NDC1: variants seen among roughly 807,000 people sequenced by gnomAD.
NDC1 encodes the protein nucleoporin NDC1.
NDC1 carries 24 observed loss-of-function variants against 89.8 expected under a neutral mutation model. That is an observed-to-expected ratio of 0.27 (90% confidence interval 0.19 to 0.38). NDC1 has a LOEUF of 0.38. Ranked by LOEUF, NDC1 falls within the 10% of genes least tolerant of loss-of-function variation. The pLI, the probability that NDC1 is intolerant of heterozygous loss-of-function variation, is 1.00. For missense variants in NDC1, 728 were observed against 797.6 expected (o/e 0.91, Z 1.05); for synonymous variants, 296 against 284.8 (o/e 1.04, Z -0.39).
intron 14 of NDC1, among the ~76,000 whole-genome samples, chr1:53,791,592 T>C (rs1224440413): frequency 6.6e-6 from 1 of 152,228 alleles, no homozygotes; most frequent in Non-Finnish European, 1.5e-5. Context: ...ATGTACCCAA[T>C]GAAGCCTACT....
At chr1:53,800,332 CTTTT>C (rs1158363485) in intron 11 of NDC1, among the ~76,000 whole-genome samples, 6 of 80,646 alleles carry the variant, frequency 7.4e-5, no homozygotes, top group African/African-American at 2.9e-4. Flanking sequence ...CTACAGTCAT[CTTTT>C]TTTTTTTTTT....
At chr1:53,812,293 G>A (rs1310095349) in intron 6 of NDC1, among the ~76,000 whole-genome samples, 1 of 152,190 alleles carries the variant, frequency 6.6e-6, no homozygotes, top group Non-Finnish European at 1.5e-5. Flanking sequence ...GAATTCAGGA[G>A]GTTAGTTATT....
At chr1:53,777,031 A>T (rs1183634451) in intron 16 of NDC1, among the ~76,000 whole-genome samples, 2 of 147,320 alleles carry the variant, frequency 1.4e-5, no homozygotes, top group Non-Finnish European at 3.0e-5. Flanking sequence ...ATTTTGTTGA[A>T]TTTTTTTTTT....
At chr1:53,801,800 A>AG (rs1647928654) in intron 10 of NDC1, among the ~76,000 whole-genome samples, 1 of 152,216 alleles carries the variant, frequency 6.6e-6, no homozygotes, top group African/African-American at 2.4e-5. Context: ...TATGTTGCCC[A>AG]GGCTGGAGTG....
chr1:53,820,951 C>T (rs188581889), intron 5 of NDC1, among the ~76,000 whole-genome samples: 158 of 151,626 alleles, frequency 1.0e-3, no homozygotes, highest in African/African-American at 3.7e-3. Flanking sequence ...GGCAATCTGC[C>T]CACCTTGACC....
intron 1 of NDC1, among the ~76,000 whole-genome samples, chr1:53,837,547 G>A (rs1401228119): frequency 3.9e-5 from 6 of 152,082 alleles, no homozygotes; most frequent in African/African-American, 1.4e-4. Context: ...TGCAGCCTGG[G>A]CAACAGGGAG....
At chr1:53,790,758 A>C (rs1647469475) in intron 14 of NDC1, among the ~76,000 whole-genome samples, 1 of 152,148 alleles carries the variant, frequency 6.6e-6, no homozygotes, top group African/African-American at 2.4e-5. Flanking sequence ...CCTACTTGTT[A>C]TCTCTTTTAA....
intron 13 of NDC1, among the ~76,000 whole-genome samples, 194 bp downstream of exon 13, chr1:53,796,495 T>A (rs1027989641): frequency 1.3e-5 from 2 of 151,154 alleles, no homozygotes; most frequent in Admixed American, 1.3e-4. Flanking sequence ...CATGAAGTTA[T>A]CAGGTCAAGT....
chr1:53,820,026 A>G (rs972431295), intron 5 of NDC1, among the ~76,000 whole-genome samples: 38 of 152,146 alleles, frequency 2.5e-4, no homozygotes, highest in African/African-American at 9.2e-4. Flanking sequence ...GGCCTGAGGC[A>G]GGTGTGTCAC....
rs759616562 is a variant in NDC1 at position 53,796,696 on chromosome 1, C to T, written c.1577G>A (p.Arg526His). The change falls in exon 13 of 18, where the codon CGT becomes CAT. Residue 526 changes from arginine (R) to histidine (H), a missense_variant. Coordinates refer to ENST00000371429, the MANE Select transcript of NDC1 (RefSeq NM_018087.5). ...SVIYSWIQNKREQIKNFLSKR... is the reference protein window; with the variant it reads ...SVIYSWIQNKHEQIKNFLSKR... ...ATAACCATATCATCCTACCTGTTCA[C>T]GTTTATTCTGAATCCATGAATAAAT... The T allele has an allele frequency of 9.5e-5, 151 of 1,592,880 alleles. No individual in the cohort carries two copies. Among genetic ancestry groups the T allele is most frequent in the Non-Finnish European group, 1.2e-4 (137 of 1,166,946 alleles).
At chr1:53,797,863 G>A (rs918277215) in intron 11 of NDC1, among the ~76,000 whole-genome samples, 4 of 152,044 alleles carry the variant, frequency 2.6e-5, no homozygotes, top group African/African-American at 9.7e-5. Context: ...CTGGGCTCAA[G>A]TAATCCTCCT....
chr1:53,787,089 GAAAC>G (rs1647328420), intron 16 of NDC1, 65 bp downstream of exon 16: 6 of 756,378 alleles, frequency 7.9e-6, no homozygotes, highest in Admixed American at 4.7e-5. Context: ...TGATATATAG[GAAAC>G]AAACAAAGCA....
intron 6 of NDC1, among the ~76,000 whole-genome samples, chr1:53,814,560 A>G (rs1648417283): frequency 6.6e-6 from 1 of 151,942 alleles, no homozygotes; most frequent in Non-Finnish European, 1.5e-5. Context: ...AACAAATCAA[A>G]CCCAAACCCA....
intron 3 of NDC1, among the ~76,000 whole-genome samples, chr1:53,830,829 T>G (rs1649038038): frequency 6.6e-6 from 1 of 151,190 alleles, no homozygotes; most frequent in Non-Finnish European, 1.5e-5. Context: ...GCCATTGCAC[T>G]CCAGCCTGGG....
chr1:53,779,686 A>G (rs370388001), intron 16 of NDC1, among the ~76,000 whole-genome samples: 2 of 152,230 alleles, frequency 1.3e-5, no homozygotes, highest in Non-Finnish European at 2.9e-5. Context: ...ACAATCATGA[A>G]TAAGTTGTAC....
chr1:53,830,714 T>C (rs948520566), intron 3 of NDC1, among the ~76,000 whole-genome samples: 3 of 149,184 alleles, frequency 2.0e-5, no homozygotes, highest in African/African-American at 7.4e-5. Context: ...TAGAAAAAAT[T>C]AGCCAGGTGT....
At chr1:53,779,241 T>C (rs1041767485) in intron 16 of NDC1, among the ~76,000 whole-genome samples, 1 of 151,548 alleles carries the variant, frequency 6.6e-6, no homozygotes, top group African/African-American at 2.4e-5. Flanking sequence ...CTTACAGAGA[T>C]AATCTCATTT....
intron 9 of NDC1, among the ~76,000 whole-genome samples, chr1:53,805,913 A>C (rs2100662284): frequency 6.6e-6 from 1 of 152,270 alleles, no homozygotes; most frequent in African/African-American, 2.4e-5. Context: ...TCTCTACTAA[A>C]AATACAAAAA....
chr1:53,786,028 G>GA (rs1440652990), intron 16 of NDC1, among the ~76,000 whole-genome samples: 2 of 152,040 alleles, frequency 1.3e-5, no homozygotes, highest in Non-Finnish European at 2.9e-5. Context: ...GGGTTCAAGC[G>GA]ATTCTCCTGC....
Sources: gnomAD v4.1 joint callset for allele counts (sites outside exome capture counted in the v4.1 genomes callset) on GRCh38, gnomAD v4.1.1 for gene constraint, MANE v1.5 for transcripts, NCBI Gene and HGNC (gene_info 2026-07-23, HGNC 2026-07-21) for gene names.